PRIM2: variants seen among roughly 807,000 people sequenced by gnomAD.
PRIM2 encodes the protein DNA primase subunit 2.
Under a neutral mutation model 67.3 loss-of-function variants are expected in PRIM2, and 39 were observed. The ratio of observed to expected loss-of-function variants is 0.58; its 90% CI spans 0.45 to 0.76. PRIM2 has a LOEUF of 0.76. PRIM2 is among the 30% of genes least tolerant of loss of function. The probability of loss-of-function intolerance (pLI) is 0.00; values close to 1 mark genes in which losing one functional copy is unlikely to be tolerated. For synonymous variants in PRIM2, 143 were observed against 198.7 expected (o/e 0.72, Z 2.36); for missense variants, 398 against 598.7 (o/e 0.66, Z 3.50).
chr6:57,495,382 A>G (rs1773980263), intron 7 of PRIM2, among the ~76,000 whole-genome samples: 3 of 152,236 alleles, frequency 2.0e-5, no homozygotes, highest in Non-Finnish European at 2.9e-5. Flanking sequence ...CAAGATATCT[A>G]TCAAGGAAGA....
At chr6:57,394,772 CATTCAGT>C (rs1770466316) in intron 7 of PRIM2, among the ~76,000 whole-genome samples, 1 of 152,128 alleles carries the variant, frequency 6.6e-6, no homozygotes, top group African/African-American at 2.4e-5. Context: ...AACTTTACCC[CATTCAGT>C]ATTATGTTGG....
intron 5 of PRIM2, among the ~76,000 whole-genome samples, chr6:57,345,506 G>GTGTGTGTGTACA (rs369673115): frequency 0.045 from 5,473 of 121,850 alleles, 188 homozygotes; most frequent in Non-Finnish European, 0.059. Flanking sequence ...GTGTGTGTGT[G>GTGTGTGTGTACA]TACATACATA....
intron 3 of PRIM2, among the ~76,000 whole-genome samples, chr6:57,323,235 A>G (rs985256621): frequency 2.6e-5 from 4 of 152,162 alleles, no homozygotes; most frequent in African/African-American, 7.2e-5. Context: ...CCACGAAATT[A>G]TATTTTCCAA....
At chr6:57,496,702 AATG>A (rs1430466294) in intron 7 of PRIM2, among the ~76,000 whole-genome samples, 2 of 152,228 alleles carry the variant, frequency 1.3e-5, no homozygotes, top group African/African-American at 2.4e-5. Context: ...AGGAGACAAA[AATG>A]ATGAATGAAA....
chr6:57,226,457 A>T, the PRIM2 span, among the ~76,000 whole-genome samples: 3 of 152,236 alleles, frequency 2.0e-5, no homozygotes, highest in African/African-American at 7.2e-5. Flanking sequence ...TGAATAATTG[A>T]AAGGGAGCCA....
chr6:57,529,325 AC>A (rs1274217975), intron 8 of PRIM2, among the ~76,000 whole-genome samples: 7 of 152,106 alleles, frequency 4.6e-5, no homozygotes, highest in South Asian at 2.1e-4. Context: ...AAAAAAAAAA[AC>A]AAAAAACCAA....
chr6:57,378,022 G>T (rs115493755), intron 5 of PRIM2, among the ~76,000 whole-genome samples: 1 of 151,478 alleles, frequency 6.6e-6, no homozygotes, highest in African/African-American at 2.4e-5. Context: ...GTTCCATTCA[G>T]TGATGTAAAA....
At position 57,422,158 on chromosome 6, in the gene PRIM2, C is replaced by CTTTTTTTTTTTTTTTTTTTTTTTTT. The variant is rs575958629; in HGVS notation, c.693+40004_693+40005insTTTTTTTTTTTTTTTTTTTTTTTTT. The stretch of plus-strand genomic sequence containing the variant: ...AAATTCAAAAGTATTTCTTTTCTTT[C>CTTTTTTTTTTTTTTTTTTTTTTTTT]TTTTTTTTTTTTTTGAGATGGAGTC... On this transcript the variant is annotated intron_variant, in intron 7 of 13. Coordinates refer to ENST00000615550, the MANE Select transcript of PRIM2 (RefSeq NM_000947.5). Among the ~76,000 whole-genome samples, 144 of 103,300 alleles carry CTTTTTTTTTTTTTTTTTTTTTTTTT rather than the reference C, an allele frequency of 1.4e-3. 14 individuals are homozygous for CTTTTTTTTTTTTTTTTTTTTTTTTT. The highest frequency in any genetic ancestry group is 1.9e-3 in the South Asian group (5 of 2,676). The allele number at this position is 103,300 out of a possible 152,430, so 67.8% of individuals were successfully genotyped here. A position where few individuals can be genotyped will look rare whatever the true frequency, so the allele number is the denominator to read the frequency against.
At chr6:57,325,654 G>A (rs1020134110) in intron 4 of PRIM2, among the ~76,000 whole-genome samples, 1 of 152,114 alleles carries the variant, frequency 6.6e-6, no homozygotes, top group East Asian at 1.9e-4. Context: ...AGTATTTTAT[G>A]TTATTTAAAA....
intron 5 of PRIM2, among the ~76,000 whole-genome samples, chr6:57,364,699 C>A (rs1402513294): frequency 1.3e-5 from 2 of 151,888 alleles, no homozygotes; most frequent in Non-Finnish European, 2.9e-5. Flanking sequence ...GCTTGGCAGG[C>A]CCTAATCCTT....
chr6:57,375,496 A>C (rs1372758915), intron 5 of PRIM2, among the ~76,000 whole-genome samples: 1 of 152,148 alleles, frequency 6.6e-6, no homozygotes, highest in Non-Finnish European at 1.5e-5. Flanking sequence ...TTTTTGCATC[A>C]GTGTTCATCA....
intron 5 of PRIM2, among the ~76,000 whole-genome samples, chr6:57,363,120 G>A (rs1769249761): frequency 6.6e-6 from 1 of 152,036 alleles, no homozygotes; most frequent in African/African-American, 2.4e-5. Context: ...AACTACATTT[G>A]GGTAAAAGTG....
intron 2 of PRIM2, among the ~76,000 whole-genome samples, chr6:57,318,949 TA>T (rs1213723732): frequency 6.6e-6 from 1 of 152,194 alleles, no homozygotes; most frequent in African/African-American, 2.4e-5. Flanking sequence ...CTAGTAGAAG[TA>T]AATGGTAGTG....
chr6:57,310,895 C>T (rs565754994), upstream of PRIM2, among the ~76,000 whole-genome samples: 80 of 145,704 alleles, frequency 5.5e-4, no homozygotes, highest in African/African-American at 1.3e-3. Context: ...ACTTCCCAGA[C>T]GGGGTGGCGG....
the PRIM2 span, among the ~76,000 whole-genome samples, chr6:57,281,148 T>A: frequency 4.6e-5 from 7 of 152,242 alleles, no homozygotes; most frequent in African/African-American, 7.2e-5. Context: ...CATTCCTTTC[T>A]GTGACTGAAT....
chr6:57,425,105 C>A (rs1228393386), intron 7 of PRIM2, among the ~76,000 whole-genome samples: 1 of 152,120 alleles, frequency 6.6e-6, no homozygotes, highest in African/African-American at 2.4e-5. Flanking sequence ...GTTTTTCTCA[C>A]TTAAAATATG....
intron 7 of PRIM2, among the ~76,000 whole-genome samples, chr6:57,388,213 G>C (rs982233517): frequency 6.6e-6 from 1 of 152,152 alleles, no homozygotes; most frequent in African/African-American, 2.4e-5. Context: ...GAATAAGTGA[G>C]TGATATGATC....
At chr6:57,594,754 T>C (rs1776336690) in intron 10 of PRIM2, among the ~76,000 whole-genome samples, 1 of 152,164 alleles carries the variant, frequency 6.6e-6, no homozygotes, top group South Asian at 2.1e-4. Flanking sequence ...GCAATTTATC[T>C]TAGGACACAG....
At chr6:57,329,011 AT>A (rs1366514407) in intron 5 of PRIM2, among the ~76,000 whole-genome samples, 1 of 151,956 alleles carries the variant, frequency 6.6e-6, no homozygotes, top group East Asian at 1.9e-4. Context: ...TTGGCTTTTT[AT>A]TGTTGAGTGT....
Sources: allele counts gnomAD v4.1 joint callset (sites outside exome capture counted in the v4.1 genomes callset), GRCh38; gene constraint gnomAD v4.1.1; transcripts MANE v1.5; gene names NCBI Gene and HGNC (gene_info 2026-07-23, HGNC 2026-07-21).